DPP10: variants seen among roughly 807,000 people sequenced by gnomAD.
The protein encoded by DPP10 is inactive dipeptidyl peptidase 10.
A neutral mutation model predicts 120.9 loss-of-function variants in DPP10; 33 were observed. The observed-to-expected ratio is 0.27, with a 90% confidence interval of 0.21 to 0.37. The LOEUF is 0.37. DPP10 is among the 10% of genes least tolerant of loss of function. The pLI is 1.00. For synonymous variants in DPP10, 337 were observed against 326.1 expected (o/e 1.03, Z -0.36); for missense variants, 816 against 942.8 (o/e 0.87, Z 1.76).
chr2:114,872,830 C>A (rs1209055409), intron 1 of DPP10, among the ~76,000 whole-genome samples: 4 of 152,084 alleles, frequency 2.6e-5, no homozygotes, highest in Non-Finnish European at 5.9e-5. Context: ...TCTAAGACTG[C>A]CAACAAAAAG....
intron 1 of DPP10, among the ~76,000 whole-genome samples, chr2:114,562,730 T>C (rs926197499): frequency 6.6e-6 from 1 of 152,234 alleles, no homozygotes; most frequent in Non-Finnish European, 1.5e-5. Flanking sequence ...ATGAATTAAG[T>C]ATTAAAATCA....
At chr2:114,702,367 C>T (rs990281636) in intron 1 of DPP10, among the ~76,000 whole-genome samples, 2 of 151,732 alleles carry the variant, frequency 1.3e-5, no homozygotes, top group African/African-American at 4.8e-5. Context: ...ATGGTGTGAG[C>T]CACTTGATGT....
chr2:114,982,190 CA>C (rs1254320493), intron 1 of DPP10, among the ~76,000 whole-genome samples: 1 of 152,158 alleles, frequency 6.6e-6, no homozygotes, highest in Non-Finnish European at 1.5e-5. Flanking sequence ...CAATAATATG[CA>C]GCAAGCTTTT....
At chr2:115,714,528 C>A (rs191683662) in intron 7 of DPP10, among the ~76,000 whole-genome samples, 1 of 152,170 alleles carries the variant, frequency 6.6e-6, no homozygotes, top group African/African-American at 2.4e-5. Flanking sequence ...TATCTCTGTG[C>A]GTTTTCCCTA....
At chr2:114,754,303 C>T (rs1256891705) in intron 1 of DPP10, among the ~76,000 whole-genome samples, 1 of 152,168 alleles carries the variant, frequency 6.6e-6, no homozygotes, top group Non-Finnish European at 1.5e-5. Context: ...ACAATCAGTT[C>T]TTGTCCTGAG....
intron 1 of DPP10, among the ~76,000 whole-genome samples, chr2:114,743,419 TAG>T (rs890221464): frequency 2.1e-5 from 1 of 48,304 alleles, no homozygotes; most frequent in African/African-American, 2.3e-4. Flanking sequence ...TGCATGGAAA[TAG>T]AAAAAAAAAA....
intron 1 of DPP10, among the ~76,000 whole-genome samples, chr2:115,055,098 A>G (rs190841965): frequency 3.5e-4 from 54 of 152,314 alleles, no homozygotes; most frequent in African/African-American, 1.3e-3. Context: ...TGCCTGAAAT[A>G]AACCATGCTA....
chr2:115,840,318 G>GTTTTTTTTTTTTTTT (rs1559227733), intron 24 of DPP10, among the ~76,000 whole-genome samples: 4 of 31,858 alleles, frequency 1.3e-4, no homozygotes, highest in African/African-American at 3.9e-4. Context: ...AAGGTTTTTT[G>GTTTTTTTTTTTTTTT]GTTTTTTTTT....
chr2:115,679,200 G>C (rs562481778), intron 5 of DPP10, among the ~76,000 whole-genome samples: 2 of 152,036 alleles, frequency 1.3e-5, no homozygotes, highest in African/African-American at 4.8e-5. Context: ...GATGTGGGGG[G>C]GGTGCATGGG....
At chr2:114,482,620 T>C (rs769115863) in intron 1 of DPP10, among the ~76,000 whole-genome samples, 3 of 152,168 alleles carry the variant, frequency 2.0e-5, no homozygotes, top group Non-Finnish European at 4.4e-5. Flanking sequence ...GATAAAAGTA[T>C]GTCAAGAAAA....
At chr2:114,450,278 C>T (rs1473652828) in intron 1 of DPP10, among the ~76,000 whole-genome samples, 2 of 152,220 alleles carry the variant, frequency 1.3e-5, no homozygotes, top group East Asian at 1.9e-4. Flanking sequence ...AGAATTTTCT[C>T]ACAATCTCCT....
At chr2:115,672,711 T>TTTCTTTCC (rs55899308) in intron 5 of DPP10, among the ~76,000 whole-genome samples, 1 of 7,552 alleles carries the variant, frequency 1.3e-4, no homozygotes, top group Non-Finnish European at 1.0e-3. Flanking sequence ...TCTTTCTTTC[T>TTTCTTTCC]CTTTCTTTCT....
chr2:115,214,270 C>T (rs2056684564), intron 1 of DPP10, among the ~76,000 whole-genome samples: 1 of 152,188 alleles, frequency 6.6e-6, no homozygotes, highest in African/African-American at 2.4e-5. Context: ...AGTGACAACT[C>T]TGGCTTTCAG....
intron 1 of DPP10, among the ~76,000 whole-genome samples, chr2:114,497,162 T>C (rs535692583): frequency 7.0e-6 from 1 of 143,632 alleles, no homozygotes; most frequent in South Asian, 2.1e-4. Context: ...CATGTAGGTG[T>C]ACACGTGTAT....
At chr2:115,305,582 A>T (rs1483780701) in intron 1 of DPP10, among the ~76,000 whole-genome samples, 2 of 151,830 alleles carry the variant, frequency 1.3e-5, no homozygotes, top group African/African-American at 4.8e-5. Flanking sequence ...AAATAATTTT[A>T]AAAAATTAAC....
chr2:115,119,999 T>A (rs2049738788), intron 1 of DPP10, among the ~76,000 whole-genome samples: 1 of 152,238 alleles, frequency 6.6e-6, no homozygotes, highest in Non-Finnish European at 1.5e-5. Context: ...CTTTTCCCAA[T>A]TGATTTACCC....
At chr2:115,580,578 C>G (rs1283492493) in intron 5 of DPP10, among the ~76,000 whole-genome samples, 3 of 152,122 alleles carry the variant, frequency 2.0e-5, no homozygotes, top group African/African-American at 7.2e-5. Flanking sequence ...CCCTGTGGAT[C>G]TATGAACATT....
intron 1 of DPP10, among the ~76,000 whole-genome samples, chr2:114,716,296 C>T (rs551867887): frequency 4.6e-5 from 7 of 152,128 alleles, no homozygotes; most frequent in Non-Finnish European, 7.4e-5. Flanking sequence ...TCATGTATGA[C>T]TTGGTGAAAG....
chr2:115,323,639 A>T (rs966669677), intron 2 of DPP10, among the ~76,000 whole-genome samples: 1 of 152,190 alleles, frequency 6.6e-6, no homozygotes, highest in African/African-American at 2.4e-5. Flanking sequence ...AACATTGGAA[A>T]ATCAAAATTA....
Sources: allele counts gnomAD v4.1 joint callset (sites outside exome capture counted in the v4.1 genomes callset), GRCh38; gene constraint gnomAD v4.1.1; transcripts MANE v1.5; gene names NCBI Gene and HGNC (gene_info 2026-07-23, HGNC 2026-07-21).